SPC25: variants seen among roughly 807,000 people sequenced by gnomAD.
The protein encoded by SPC25 is kinetochore protein Spc25.
Under a neutral mutation model 29.6 loss-of-function variants are expected in SPC25, and 22 were observed. The observed-to-expected ratio is 0.74, with a 90% CI of 0.53 to 1.06. The LOEUF is 1.06. Ranked by LOEUF, SPC25 falls within the 50% of genes least tolerant of loss-of-function variation. The pLI is 0.00. For synonymous variants in SPC25, 91 were observed against 90.4 expected, an observed-to-expected ratio of 1.01 and a Z score of -0.04; for missense variants, 230 against 255.8, an observed-to-expected ratio of 0.90 and a Z score of 0.69.
downstream of SPC25, among the ~76,000 whole-genome samples, chr2:168,866,501 T>G (rs1689856010): frequency 6.6e-6 from 1 of 152,244 alleles, no homozygotes; most frequent in Non-Finnish European, 1.5e-5. Flanking sequence ...GACTTACATG[T>G]CAGACCTAAA....
intron 3 of SPC25, among the ~76,000 whole-genome samples, chr2:168,883,244 A>G (rs1465039896): frequency 6.6e-6 from 1 of 152,180 alleles, no homozygotes; most frequent in Non-Finnish European, 1.5e-5. Flanking sequence ...TATAGATACC[A>G]TGAATATAAT....
chr2:168,865,836 A>T, intron 4 of SPC25, among the ~76,000 whole-genome samples: 1 of 152,216 alleles, frequency 6.6e-6, no homozygotes, highest in Non-Finnish European at 1.5e-5. Context: ...TAACAGACAA[A>T]CAGAGAGCCA....
chr2:168,866,774 T>G (rs1489408294), downstream of SPC25, among the ~76,000 whole-genome samples: 5 of 56,762 alleles, frequency 8.8e-5, no homozygotes, highest in East Asian at 2.4e-3. Context: ...TCAAACAAAT[T>G]TACAAGAAAA....
chr2:168,887,595 G>T (rs1690292811), intron 3 of SPC25, among the ~76,000 whole-genome samples: 1 of 152,118 alleles, frequency 6.6e-6, no homozygotes, highest in Non-Finnish European at 1.5e-5. Context: ...CCCCATGTAA[G>T]GACATTCTAG....
intron 5 of SPC25, among the ~76,000 whole-genome samples, chr2:168,875,361 G>A (rs564132576): frequency 5.3e-5 from 8 of 152,260 alleles, no homozygotes; most frequent in Admixed American, 6.5e-5. Context: ...TCAAAAAATT[G>A]TAAGTTGAAC....
chr2:168,889,569 C>A (rs2272060), intron 1 of SPC25, 36 bp from the exon 2 acceptor site: 1 of 1,575,840 alleles, frequency 6.3e-7, no homozygotes. Flanking sequence ...TTTTAAGTTA[C>A]TGAAATCAAA....
chr2:168,874,918 A>G (rs766951907), intron 5 of SPC25, among the ~76,000 whole-genome samples: 1 of 152,132 alleles, frequency 6.6e-6, no homozygotes, highest in Admixed American at 6.6e-5. Flanking sequence ...GCTGCAGTAA[A>G]TCTTAGCTAT....
At chr2:168,887,421 C>CAAAAAAAAAAAAAAAAAAA (rs5836211) in intron 3 of SPC25, among the ~76,000 whole-genome samples, 4 of 131,420 alleles carry the variant, frequency 3.0e-5, no homozygotes, top group Admixed American at 7.5e-5. Context: ...GACTCCATCT[C>CAAAAAAAAAAAAAAAAAAA]AAAAAAAAAA....
chr2:168,878,633 A>C (rs1285597428), intron 3 of SPC25, among the ~76,000 whole-genome samples: 1 of 152,242 alleles, frequency 6.6e-6, no homozygotes, highest in Non-Finnish European at 1.5e-5. Context: ...TCTATCTAGA[A>C]TACTCAGAAA....
intron 3 of SPC25, among the ~76,000 whole-genome samples, chr2:168,887,133 T>C (rs1276856492): frequency 1.3e-5 from 2 of 151,798 alleles, no homozygotes; most frequent in African/African-American, 2.4e-5. Flanking sequence ...AAAGTAAACA[T>C]GGGTAGGCCG....
downstream of SPC25, among the ~76,000 whole-genome samples, chr2:168,868,964 A>T (rs1216729369): frequency 6.6e-6 from 1 of 152,160 alleles, no homozygotes; most frequent in East Asian, 1.9e-4. Flanking sequence ...TCAATAAAAT[A>T]CTGGCAAACT....
Position 168,882,669 on chromosome 2 carries a change from GCAATGCTTTGCC to G in SPC25, c.200-5297_200-5286del, listed in dbSNP as rs1690197366. 2.0e-5 allele frequency among the ~76,000 whole-genome samples: 3 copies of G among 152,102 alleles called. No individual in the cohort carries two copies. The South Asian group carries it at 6.2e-4, about 32-fold the overall frequency. ...TCAAACTCAGGTCTTGACTTCAAAG[GCAATGCTTTGCC>G]CATTAAATTATCCTCCTCCAACAAT... On this transcript the variant is annotated intron_variant, in intron 3 of 6. Coordinates refer to ENST00000282074, the MANE Select transcript of SPC25 (RefSeq NM_020675.4).
intron 3 of SPC25, among the ~76,000 whole-genome samples, chr2:168,878,349 A>G (rs1344652639): frequency 6.6e-6 from 1 of 152,238 alleles, no homozygotes; most frequent in East Asian, 1.9e-4. Flanking sequence ...CATCACATGA[A>G]TAAGAATTGA....
intron 3 of SPC25, among the ~76,000 whole-genome samples, chr2:168,879,374 G>T (rs1690137620): frequency 6.6e-6 from 1 of 152,194 alleles, no homozygotes; most frequent in Admixed American, 6.5e-5. Flanking sequence ...GTTAAACAAT[G>T]TTCACAGCAT....
intron 1 of SPC25, 106 bp from the exon 2 acceptor site, chr2:168,889,639 T>A (rs1690356592): frequency 8.6e-7 from 1 of 1,161,524 alleles, no homozygotes; most frequent in African/African-American, 1.5e-5. Context: ...TGCTAGAAAA[T>A]AGCAACTTAT....
At chr2:168,869,888 C>T (rs1414928890), downstream of SPC25, among the ~76,000 whole-genome samples, 14 of 151,880 alleles carry the variant, frequency 9.2e-5, no homozygotes, top group South Asian at 6.2e-4. Context: ...AAAAAGAGCC[C>T]GCATTGCCAA....
At chr2:168,877,128 T>G in intron 4 of SPC25, 110 bp downstream of exon 4, 86 of 1,150,208 alleles carry the variant, frequency 7.5e-5, no homozygotes, top group East Asian at 4.9e-5. Context: ...TGCCCTGGGG[T>G]ACTGTAATCC....
At position 168,863,354 on chromosome 2, in the gene SPC25, G is replaced by A. The variant is rs1021608900; in HGVS notation, n.419+10231C>T. The A allele has an allele frequency of 1.4e-5, 13 of 952,706 alleles. No homozygotes were observed. The African/African-American group carries it at 2.1e-4, about 16-fold the overall frequency. The allele number at this position is 952,706 out of a possible 1,614,324, so 59.0% of individuals were successfully genotyped here. ...AAAATGTAGAAAAGATAGAAAAGGAGTTAATAATTTCCTTTGTCTTAGAAA... is the reference window on the plus strand; with the variant it reads ...AAAATGTAGAAAAGATAGAAAAGGAATTAATAATTTCCTTTGTCTTAGAAA... On this transcript the variant is annotated intron_variant and non_coding_transcript_variant, in intron 4 of 4. Transcript: ENST00000479309.
Position 168,889,551 on chromosome 2 carries a change from A to G in SPC25, c.-14-18T>C. On this transcript the variant is annotated intron_variant, in intron 1 of 6. Transcript: ENST00000282074. ...GGACAATGCTAAAAACAGAATACATATTGCATTTTTTAAGTTACTGAAATC... is the reference window on the plus strand; with the variant it reads ...GGACAATGCTAAAAACAGAATACATGTTGCATTTTTTAAGTTACTGAAATC... The G allele has an allele frequency of 6.3e-7, 1 of 1,599,402 alleles. No individual in the cohort carries two copies. The highest frequency in any genetic ancestry group is 8.5e-7 in the Non-Finnish European group (1 of 1,172,248).
Sources: allele counts gnomAD v4.1 joint callset (sites outside exome capture counted in the v4.1 genomes callset), GRCh38; gene constraint gnomAD v4.1.1; transcripts MANE v1.5; gene names NCBI Gene and HGNC (gene_info 2026-07-23, HGNC 2026-07-21).